Variants in RAB6B observed in about 807,000 individuals in gnomAD.
RAB6B encodes ras-related protein Rab-6B.
In RAB6B, 7 loss-of-function variants were observed where a neutral mutation model predicts 31.2. That is an observed-to-expected ratio of 0.22 (90% CI 0.13 to 0.42). The LOEUF is 0.42. Among genes scored for constraint, RAB6B ranks in the 10% least tolerant of loss-of-function variants. RAB6B has a pLI of 1.00. For synonymous variants in RAB6B, 105 were observed against 104.9 expected, an observed-to-expected ratio of 1.00 and a Z score of -0.01; for missense variants, 149 against 280.6, an observed-to-expected ratio of 0.53 and a Z score of 3.35.
intron 6 of RAB6B, among the ~76,000 whole-genome samples, chr3:133,836,300 T>C (rs1415439797): frequency 6.6e-6 from 1 of 152,202 alleles, no homozygotes; most frequent in Non-Finnish European, 1.5e-5. Context: ...CTTCATGGCA[T>C]TGGCCCTGGG....
Position 133,895,758 on chromosome 3 carries a change from G to C in RAB6B, c.-292C>G, listed in dbSNP as rs1936703638. On this transcript the variant is annotated 5_prime_UTR_variant, in exon 1 of 8. Coordinates refer to ENST00000285208, the MANE Select transcript of RAB6B (RefSeq NM_016577.4). ...GCGCGCTCTTTACGCCCGAGGCGCG[G>C]CGCTGGGAGAGAGGCGCGGGCGGAG... 2.4e-6 allele frequency: 1 copy of C among 415,876 alleles called. No homozygotes were observed. The highest frequency in any genetic ancestry group is 4.0e-5 in the East Asian group (1 of 25,240). The allele number at this position is 415,876 out of a possible 1,614,324, so 25.8% of individuals were successfully genotyped here. A position where few individuals can be genotyped will look rare whatever the true frequency, so the allele number is the denominator to read the frequency against.
intron 1 of RAB6B, among the ~76,000 whole-genome samples, chr3:133,892,458 G>C (rs954602228): frequency 6.6e-6 from 1 of 152,112 alleles, no homozygotes; most frequent in Non-Finnish European, 1.5e-5. Context: ...CAGTTCCCTG[G>C]TATCTTCAAA....
chr3:133,832,464 A>G (rs527690424), intron 7 of RAB6B, among the ~76,000 whole-genome samples: 1 of 152,306 alleles, frequency 6.6e-6, no homozygotes, highest in South Asian at 2.1e-4. Context: ...AAGTGAGGCC[A>G]GGTGTGAACA....
chr3:133,832,844 C>T (rs1935675150), intron 7 of RAB6B, among the ~76,000 whole-genome samples: 1 of 152,226 alleles, frequency 6.6e-6, no homozygotes, highest in Non-Finnish European at 1.5e-5. Flanking sequence ...TCCCAAGGGG[C>T]CCAAAGGTCA....
In RAB6B at chr3:133,863,676, G is replaced by T. The variant is rs1936194546; in HGVS notation, c.129+908C>A. Among the ~76,000 whole-genome samples, 3 of 151,922 alleles carry T rather than the reference G, an allele frequency of 2.0e-5. No individual in the cohort carries two copies. The South Asian group carries it at 6.2e-4, about 32-fold the overall frequency. ...TGTTCCCTAAATCTGTACAAGCTCTGAACCCACCACCCCCTACCTCAACTT... is the reference window on the plus strand; with the variant it reads ...TGTTCCCTAAATCTGTACAAGCTCTTAACCCACCACCCCCTACCTCAACTT... On this transcript the variant is annotated intron_variant, in intron 2 of 7. Transcript: ENST00000285208.
chr3:133,860,632 C>G (rs1936147636), intron 2 of RAB6B, among the ~76,000 whole-genome samples: 1 of 152,214 alleles, frequency 6.6e-6, no homozygotes, highest in African/African-American at 2.4e-5. Flanking sequence ...CTCAGGCAAC[C>G]CCTTGGCCTG....
intron 1 of RAB6B, among the ~76,000 whole-genome samples, chr3:133,870,765 G>A (rs1349654986): frequency 6.6e-6 from 1 of 152,178 alleles, no homozygotes; most frequent in African/African-American, 2.4e-5. Flanking sequence ...TCAATCCCTT[G>A]TCCTAAAGAT....
intron 2 of RAB6B, among the ~76,000 whole-genome samples, chr3:133,849,854 G>T (rs1326183301): frequency 6.6e-6 from 1 of 152,222 alleles, no homozygotes; most frequent in Non-Finnish European, 1.5e-5. Context: ...TCTAAGGACA[G>T]AATAGAAACA....
intron 1 of RAB6B, among the ~76,000 whole-genome samples, chr3:133,880,153 G>GT (rs1490014112): frequency 6.6e-6 from 1 of 152,238 alleles, no homozygotes; most frequent in Non-Finnish European, 1.5e-5. Context: ...TAGTATTAAT[G>GT]TAACTTGGTA....
chr3:133,852,401 A>G (rs936611002), intron 2 of RAB6B, among the ~76,000 whole-genome samples: 2 of 152,016 alleles, frequency 1.3e-5, no homozygotes, highest in African/African-American at 4.8e-5. Context: ...CTGTCACTAG[A>G]TGCCCTACCT....
intron 1 of RAB6B, chr3:133,885,739 G>C: frequency 3.2e-6 from 2 of 633,458 alleles, no homozygotes; most frequent in Non-Finnish European, 5.7e-6. Flanking sequence ...TGGCCTTGCA[G>C]AGAGAGACAA....
intron 2 of RAB6B, among the ~76,000 whole-genome samples, chr3:133,847,840 C>T (rs1368663117): frequency 6.6e-6 from 1 of 152,192 alleles, no homozygotes; most frequent in Non-Finnish European, 1.5e-5. Context: ...TTGCTTTCCA[C>T]GACTTTACTT....
chr3:133,876,597 G>A (rs1244653134), intron 1 of RAB6B, among the ~76,000 whole-genome samples: 1 of 152,116 alleles, frequency 6.6e-6, no homozygotes, highest in African/African-American at 2.4e-5. Context: ...GGTAGACTAA[G>A]AAACTGTCTA....
chr3:133,834,603 C>T lies in RAB6B; in HGVS notation c.534G>A (p.Glu178=), dbSNP rs1157812348. ...RRVASALPGM[E]NVQEKSKEGM... is the part of the protein sequence containing the mutation. ...CTTCTTTGCTTTTCTCCTGGACATT[C>T]TCCATTCCGGGTAGAGCCGACGCCA... The change falls in exon 7 of 8, where the codon GAG becomes GAA. Residue 178 remains glutamate (E), a synonymous_variant. Coordinates refer to ENST00000285208, the MANE Select transcript of RAB6B (RefSeq NM_016577.4). 6.2e-7 allele frequency: 1 copy of T among 1,614,052 alleles called. No homozygotes were observed. Among genetic ancestry groups the T allele is most frequent in the African/African-American group, 1.3e-5 (1 of 74,944 alleles).
Position 133,846,783 on chromosome 3 carries a change from C to T in RAB6B, c.130-5120G>A, listed in dbSNP as rs561817814. Among the ~76,000 whole-genome samples, 137 of 152,296 alleles carry T rather than the reference C, an allele frequency of 9.0e-4. 1 individual carries two copies. The highest frequency in any genetic ancestry group is 3.1e-3 in the African/African-American group (130 of 41,574). On this transcript the variant is annotated intron_variant, in intron 2 of 7. Transcript: ENST00000285208. ...TGGAAGACAGAAGACAAGGGAACAA[C>T]GTCTCTAAACTGCTTAAAAAATAAA...
chr3:133,845,868 TA>T lies in RAB6B; in HGVS notation c.130-4206del, dbSNP rs1374511844. On this transcript the variant is annotated intron_variant, in intron 2 of 7. Transcript: ENST00000285208. ...AGACTTTAAAACTCTTATAAATAGG[TA>T]AAAAAAAAAATTAAAAATTAATACA... 3.7e-3 allele frequency among the ~76,000 whole-genome samples: 550 copies of T among 146,704 alleles called. 4 individuals carry two copies. Among genetic ancestry groups the T allele is most frequent in the South Asian group, 0.025 (116 of 4,660 alleles).
At chr3:133,859,654 T>C (rs1441026149) in intron 2 of RAB6B, among the ~76,000 whole-genome samples, 2 of 152,206 alleles carry the variant, frequency 1.3e-5, no homozygotes, top group African/African-American at 4.8e-5. Flanking sequence ...TGGAAAGAGA[T>C]AGCAGAGAAC....
chr3:133,843,234 G>C lies in RAB6B; in HGVS notation c.130-1571C>G, dbSNP rs954159572. ...TCAATCCCTTACTTTGGAGATGAAA[G>C]AACAGACCAGAGGGTTAAAGGACAT... On this transcript the variant is annotated intron_variant, in intron 2 of 7. Coordinates refer to ENST00000285208, the MANE Select transcript of RAB6B (RefSeq NM_016577.4). Among the ~76,000 whole-genome samples the C allele has an allele frequency of 3.3e-5, 5 of 152,206 alleles. 1 individual carries two copies. The highest frequency in any genetic ancestry group is 7.3e-5 in the Non-Finnish European group (5 of 68,038).
intron 2 of RAB6B, among the ~76,000 whole-genome samples, chr3:133,860,176 C>A (rs1936139860): frequency 6.6e-6 from 1 of 152,186 alleles, no homozygotes; most frequent in Admixed American, 6.5e-5. Flanking sequence ...CAAATTCATG[C>A]CCACTTGGAA....
Sources: gnomAD v4.1 joint callset for allele counts (sites outside exome capture counted in the v4.1 genomes callset) on GRCh38, gnomAD v4.1.1 for gene constraint, MANE v1.5 for transcripts, NCBI Gene and HGNC (gene_info 2026-07-23, HGNC 2026-07-21) for gene names.